The following NOL12 variants were observed in gnomAD, a reference collection of about 807,000 sequenced individuals.
The protein encoded by NOL12 is nucleolar protein 12.
In NOL12, 21 loss-of-function variants were observed where a neutral mutation model predicts 25.2. The ratio of observed to expected loss-of-function variants is 0.83; its 90% CI spans 0.59 to 1.20. The LOEUF is 1.20. Among genes scored for constraint, NOL12 ranks in the 50% most tolerant of loss-of-function variants. The pLI, the probability that NOL12 is intolerant of heterozygous loss-of-function variation, is 0.00. For synonymous variants in NOL12, 133 were observed against 113.8 expected, an observed-to-expected ratio of 1.17 and a Z score of -1.08; for missense variants, 286 against 287.6, an observed-to-expected ratio of 0.99 and a Z score of 0.04.
In NOL12 at chr22:37,689,545, AT is replaced by A. The variant is rs1384639772; in HGVS notation, c.381+554del. Among the ~76,000 whole-genome samples the A allele has an allele frequency of 5.9e-5, 9 of 152,344 alleles. No individual in the cohort carries two copies. In the East Asian group the frequency reaches 7.7e-4, roughly 13 times the overall value. On this transcript the variant is annotated intron_variant, in intron 4 of 5. Transcript: ENST00000359114. ...AGGTTGCAATCAGCATAAAAAAAAA[AT>A]ATAATTGAAAATATCCGAAAGTGTC...
At chr22:37,687,258 G>GCCGGGGGGGGGC in intron 1 of NOL12, 1 of 148,776 alleles carries the variant, frequency 6.7e-6, no homozygotes, top group South Asian at 2.3e-4. Context: ...ACTGTGTGTG[G>GCCGGGGGGGGGC]CCCCCCCCCC....
chr22:37,686,995 C>CA (rs766461091), intron 1 of NOL12: 390 of 985,266 alleles, frequency 4.0e-4, no homozygotes, highest in Non-Finnish European at 4.6e-4. Flanking sequence ...AAAATGGGAA[C>CA]AGAGCAGCTA....
At chr22:37,687,733 C>T (rs1210126845) in intron 1 of NOL12, 177 bp from the exon 2 acceptor site, 1 of 510,856 alleles carries the variant, frequency 2.0e-6, no homozygotes, top group Admixed American at 3.2e-5. Flanking sequence ...ACTGGGATTA[C>T]AGGCGTGAGC....
At position 37,692,732 on chromosome 22, in the gene NOL12, G is replaced by T; in HGVS notation, c.*1396G>T. On this transcript the variant is annotated 3_prime_UTR_variant, in exon 6 of 6. Transcript: ENST00000359114. ...ACCCGCCCTGATGTGGGAGCTCCTG[G>T]AGTGGGGGTGAGCAGTGAGCCAGGG... 2.5e-6 allele frequency: 1 copy of T among 399,186 alleles called. No individual in the cohort carries two copies. Among genetic ancestry groups the T allele is most frequent in the South Asian group, 1.3e-4 (1 of 7,844 alleles). The allele number at this position is 399,186 out of a possible 1,614,324, so 24.7% of individuals were successfully genotyped here. A position where few individuals can be genotyped will look rare whatever the true frequency, so the allele number is the denominator to read the frequency against.
At chr22:37,689,018 G>A (rs1921946404) in intron 4 of NOL12, 26 bp downstream of exon 4, 1 of 1,606,580 alleles carries the variant, frequency 6.2e-7, no homozygotes, top group Non-Finnish European at 8.5e-7. Flanking sequence ...AGCCCTGGGA[G>A]GAAGGGGCGT....
In NOL12 at chr22:37,691,209, G is replaced by A. The variant is rs1922050547; in HGVS notation, c.515G>A (p.Ser172Asn). The A allele has an allele frequency of 6.2e-7, 1 of 1,613,840 alleles. No individual in the cohort carries two copies. The highest frequency in any genetic ancestry group is 1.7e-4 in the Middle Eastern group (1 of 6,054). ...SSLTASLHAH[S>N]RKKVKRKHPR... ...CTCACAGCATCACTACATGCACACAGCCGCAAAAAGGTCAAGAGGAAACAT... is the reference window on the plus strand; with the variant it reads ...CTCACAGCATCACTACATGCACACAACCGCAAAAAGGTCAAGAGGAAACAT... The change falls in exon 6 of 6, where the codon AGC becomes AAC. Residue 172 changes from serine to asparagine, a missense_variant. Ser to Asn is a conservative substitution (Grantham distance 46). Transcript: ENST00000359114.
In NOL12 at chr22:37,688,872, G is replaced by C. The variant is rs371136579; in HGVS notation, c.261G>C (p.Arg87=). 6.2e-7 allele frequency: 1 copy of C among 1,613,972 alleles called. No homozygotes were observed. The highest frequency in any genetic ancestry group is 8.5e-7 in the Non-Finnish European group (1 of 1,180,016). ...CAGAGGAGGCAGATGAGCTGGACCG[G>C]TTGGTGACAGCAAAGACGGAGTCGG... ...EALEEADELD[R]LVTAKTESVQ... The change falls in exon 4 of 6, where the codon CGG becomes CGC. Residue 87 remains arginine (R), a synonymous_variant. Transcript: ENST00000359114.
chr22:37,686,949 C>G, intron 1 of NOL12: 1 of 985,378 alleles, frequency 1.0e-6, no homozygotes, highest in Non-Finnish European at 1.2e-6. Flanking sequence ...CACATGGTAG[C>G]GGGTCAGCGA....
chr22:37,690,571 T>A (rs1922021061), intron 4 of NOL12, 126 bp from the exon 5 acceptor site: 1 of 651,858 alleles, frequency 1.5e-6, no homozygotes, highest in Non-Finnish European at 2.8e-6. Flanking sequence ...CCTTCTCTAG[T>A]CCCAACCCAG....
In NOL12 at chr22:37,692,248, T is replaced by G; in HGVS notation, c.*912T>G. ...GGCACACGCGTGTAATCCCAGCTACTTGGGAGGCTGAGGTGGAAGAATCAC... is the reference window on the plus strand; with the variant it reads ...GGCACACGCGTGTAATCCCAGCTACGTGGGAGGCTGAGGTGGAAGAATCAC... On this transcript the variant is annotated 3_prime_UTR_variant, in exon 6 of 6. Transcript: ENST00000359114. 2.9e-6 allele frequency: 1 copy of G among 346,946 alleles called. No homozygotes were observed. The highest frequency in any genetic ancestry group is 7.4e-4 in the Middle Eastern group (1 of 1,348). 21.5% of individuals were successfully genotyped at this position (346,946 alleles called of 1,614,324 possible).
intron 5 of NOL12, 134 bp from the exon 6 acceptor site, chr22:37,691,040 G>A: frequency 4.6e-6 from 5 of 1,077,374 alleles, no homozygotes; most frequent in Non-Finnish European, 5.4e-6. Flanking sequence ...GCACTCTGGA[G>A]GTAGAGCAGG....
chr22:37,693,417 T>C lies in NOL12; in HGVS notation c.*2081T>C, dbSNP rs1387461223. ...TCCCCTCTCCAGTGACAAGGTCATT[T>C]ACAACTTACATTTACAATTTATAGT... On this transcript the variant is annotated 3_prime_UTR_variant, in exon 6 of 6. Coordinates refer to ENST00000359114, the MANE Select transcript of NOL12 (RefSeq NM_024313.3). 1 of 152,484 alleles carries C rather than the reference T, an allele frequency of 6.6e-6. No individual in the cohort carries two copies. Among genetic ancestry groups the C allele is most frequent in the Non-Finnish European group, 1.5e-5 (1 of 68,052 alleles). The allele number at this position is 152,484 out of a possible 1,614,324, so 9.4% of individuals were successfully genotyped here. A position where few individuals can be genotyped will look rare whatever the true frequency, so the allele number is the denominator to read the frequency against.
intron 5 of NOL12, 147 bp downstream of exon 5, chr22:37,690,941 C>G: frequency 1.4e-6 from 1 of 694,204 alleles, no homozygotes; most frequent in Non-Finnish European, 2.4e-6. Context: ...TTGCCCCGTC[C>G]TGTCCCACCC....
rs1252589958 is a variant in NOL12 at position 37,686,442 on chromosome 22, G to GGCC, written c.52_53insCGC (p.Arg17_Leu18insPro). On this transcript the variant is annotated inframe_insertion, in exon 1 of 6. Transcript: ENST00000359114. The stretch of plus-strand genomic sequence containing the variant: ...CGAGATGGTGACGACCGGCGGCCGA[G>GGCC]GCTCGTTCTTAGCTTCGACGAGGAG... 6.2e-7 allele frequency: 1 copy of GGCC among 1,606,006 alleles called. No homozygotes were observed. Among genetic ancestry groups the GGCC allele is most frequent in the Admixed American group, 1.7e-5 (1 of 58,882 alleles).
intron 3 of NOL12, 48 bp from the exon 4 acceptor site, chr22:37,688,802 G>C: frequency 6.2e-7 from 1 of 1,607,640 alleles, no homozygotes; most frequent in South Asian, 1.1e-5. Flanking sequence ...GCTGGAGCCT[G>C]GTCACTCGTT....
In NOL12 at chr22:37,690,717, T is replaced by C; in HGVS notation, c.402T>C (p.Ser134=). The change falls in exon 5 of 6, where the codon TCT becomes TCC. Residue 134 remains serine (S), a synonymous_variant. Coordinates refer to ENST00000359114, the MANE Select transcript of NOL12 (RefSeq NM_024313.3). Reference sequence around the variant, plus strand: ...TTTAGGGAGGGGCTGGAGACAGGTCTGAGGAGGAGGCGTCATCCACGGAGA... The same window carrying C: ...TTTAGGGAGGGGCTGGAGACAGGTCCGAGGAGGAGGCGTCATCCACGGAGA... ...TPPEGGAGDR[S]EEEASSTEKP... 1.2e-6 allele frequency: 2 copies of C among 1,613,726 alleles called. No individual in the cohort carries two copies. Among genetic ancestry groups the C allele is most frequent in the Non-Finnish European group, 1.7e-6 (2 of 1,179,672 alleles).
rs1408807905 is a variant in NOL12, at chr22:37,692,701, G to A, written c.*1365G>A. On this transcript the variant is annotated 3_prime_UTR_variant, in exon 6 of 6. Coordinates refer to ENST00000359114, the MANE Select transcript of NOL12 (RefSeq NM_024313.3). Reference sequence around the variant, plus strand: ...GAGGGGCATCTGCGACAGGACTGCGGGCTCTACCCGCCCTGATGTGGGAGC... The same window carrying A: ...GAGGGGCATCTGCGACAGGACTGCGAGCTCTACCCGCCCTGATGTGGGAGC... 7.5e-6 allele frequency: 3 copies of A among 398,954 alleles called. No homozygotes were observed. Among genetic ancestry groups the A allele is most frequent in the Non-Finnish European group, 1.3e-5 (3 of 226,420 alleles). 24.7% of individuals were successfully genotyped at this position (398,954 alleles called of 1,614,324 possible). A position where few individuals can be genotyped will look rare whatever the true frequency, so the allele number is the denominator to read the frequency against.
chr22:37,690,917 T>C, intron 5 of NOL12, 123 bp downstream of exon 5: 1 of 746,116 alleles, frequency 1.3e-6, no homozygotes, highest in Non-Finnish European at 2.2e-6. Flanking sequence ...CCAGTGATCC[T>C]CTGCCTCTCC....
chr22:37,691,342 A>C lies in NOL12; in HGVS notation c.*6A>C. On this transcript the variant is annotated 3_prime_UTR_variant, in exon 6 of 6. Transcript: ENST00000359114. Reference sequence around the variant, plus strand: ...CACGGCACAGCGGGGAGTGAGACCGAGAACGAAGCGGTGCCCCAGTCTAGG... The same window carrying C: ...CACGGCACAGCGGGGAGTGAGACCGCGAACGAAGCGGTGCCCCAGTCTAGG... The C allele has an allele frequency of 1.2e-6, 2 of 1,601,132 alleles. No individual in the cohort carries two copies. Among genetic ancestry groups the C allele is most frequent in the Non-Finnish European group, 1.7e-6 (2 of 1,172,330 alleles).
Sources: gnomAD v4.1 joint callset for allele counts (sites outside exome capture counted in the v4.1 genomes callset) on GRCh38, gnomAD v4.1.1 for gene constraint, MANE v1.5 for transcripts, NCBI Gene and HGNC (gene_info 2026-07-23, HGNC 2026-07-21) for gene names.